The following XIRP2 variants were observed in gnomAD, a reference collection of about 807,000 sequenced individuals.
The protein encoded by XIRP2 is xin actin-binding repeat-containing protein 2.
Under a neutral mutation model 277.0 loss-of-function variants are expected in XIRP2, and 236 were observed. The observed-to-expected ratio is 0.85, with a 90% CI of 0.77 to 0.95. The LOEUF is 0.95. Ranked by LOEUF, XIRP2 falls within the 40% of genes least tolerant of loss-of-function variation. The probability of loss-of-function intolerance (pLI) is 0.00; values close to 1 mark genes in which losing one functional copy is unlikely to be tolerated. For synonymous variants in XIRP2, 1,490 were observed against 1,416.5 expected, an observed-to-expected ratio of 1.05 and a Z score of -1.17; for missense variants, 4,640 against 4,157.5, an observed-to-expected ratio of 1.12 and a Z score of -3.19.
At position 167,257,855 on chromosome 2, in the gene XIRP2, A is replaced by G. The variant is rs1465425342; in HGVS notation, c.*40-2A>G. The G allele has an allele frequency of 6.3e-7, 1 of 1,580,854 alleles. No individual in the cohort carries two copies. Among genetic ancestry groups the G allele is most frequent in the East Asian group, 2.2e-5 (1 of 44,560 alleles). ...GCTAAGTGTTCTTTTTCTTTTTGGCAGTTTGGGAAATTATGCATCACTTCA... is the reference window on the plus strand; with the variant it reads ...GCTAAGTGTTCTTTTTCTTTTTGGCGGTTTGGGAAATTATGCATCACTTCA... On this transcript the variant is annotated splice_acceptor_variant, in intron 10 of 10. Coordinates refer to ENST00000409195, the MANE Select transcript of XIRP2 (RefSeq NM_152381.6). LOFTEE classifies it low-confidence loss of function (3UTR_SPLICE).
intron 2 of XIRP2, among the ~76,000 whole-genome samples, chr2:166,946,448 T>C (rs1685866552): frequency 6.6e-6 from 1 of 152,198 alleles, no homozygotes; most frequent in Non-Finnish European, 1.5e-5. Flanking sequence ...ACTCTGATTG[T>C]TTGAGTTGTT....
chr2:167,144,967 T>G (rs1691823170), intron 3 of XIRP2, among the ~76,000 whole-genome samples: 1 of 152,148 alleles, frequency 6.6e-6, no homozygotes, highest in South Asian at 2.1e-4. Flanking sequence ...GCATTGGAAG[T>G]TGGAAACTAT....
chr2:166,996,117 G>A (rs1446049313), intron 2 of XIRP2, among the ~76,000 whole-genome samples: 1 of 152,160 alleles, frequency 6.6e-6, no homozygotes, highest in African/African-American at 2.4e-5. Context: ...GAGGGCAAGG[G>A]TTGAATCTTT....
At chr2:166,918,709 A>G (rs1684955335) in intron 2 of XIRP2, among the ~76,000 whole-genome samples, 1 of 152,164 alleles carries the variant, frequency 6.6e-6, no homozygotes, top group Non-Finnish European at 1.5e-5. Flanking sequence ...GAAAGGTGGT[A>G]AAAGTCAAAT....
In XIRP2 at chr2:167,246,541, A is replaced by C. The variant is rs1335377758; in HGVS notation, c.5149A>C (p.Ile1717Leu). 3.1e-6 allele frequency: 5 copies of C among 1,613,652 alleles called. No individual in the cohort carries two copies. Among genetic ancestry groups the C allele is most frequent in the Non-Finnish European group, 4.2e-6 (5 of 1,179,826 alleles). ...EVIGGDVKRTIHNLLSSTSNN... is the reference protein window; with the variant it reads ...EVIGGDVKRTLHNLLSSTSNN... ...AATAGGTGGTGATGTCAAACGTACC[A>C]TTCATAATTTATTGTCTTCCACATC... Residue 1717 changes from isoleucine (I) to leucine (L), a missense_variant, in exon 9 of 11, where the codon ATT becomes CTT. Transcript: ENST00000409195.
At chr2:166,956,782 T>C (rs1019135019) in intron 2 of XIRP2, among the ~76,000 whole-genome samples, 17 of 151,836 alleles carry the variant, frequency 1.1e-4, no homozygotes, top group Admixed American at 9.9e-4. Flanking sequence ...ACCCAAAGAT[T>C]CTGTCCCTTT....
chr2:166,918,504 TA>T (rs1684950484), intron 2 of XIRP2, among the ~76,000 whole-genome samples: 1 of 152,272 alleles, frequency 6.6e-6, no homozygotes, highest in African/African-American at 2.4e-5. Flanking sequence ...TCACTTATGG[TA>T]TTTGTTAAAT....
chr2:167,090,169 A>G (rs113291553), intron 2 of XIRP2, among the ~76,000 whole-genome samples: 48 of 152,206 alleles, frequency 3.2e-4, no homozygotes, highest in African/African-American at 1.1e-3. Flanking sequence ...CCACACTTTA[A>G]TAACAGCTGG....
chr2:167,207,886 T>C (rs1693905637), intron 3 of XIRP2, among the ~76,000 whole-genome samples: 1 of 152,196 alleles, frequency 6.6e-6, no homozygotes, highest in Admixed American at 6.5e-5. Flanking sequence ...TTTTTTAGTG[T>C]TTTATTTTCT....
At chr2:166,939,684 A>AG (rs1157965069) in intron 2 of XIRP2, among the ~76,000 whole-genome samples, 3 of 126,452 alleles carry the variant, frequency 2.4e-5, no homozygotes, top group African/African-American at 8.6e-5. Flanking sequence ...CATCACAAAA[A>AG]AAAAAAAAAA....
At chr2:167,155,172 G>T (rs982273183) in intron 3 of XIRP2, among the ~76,000 whole-genome samples, 17 of 150,578 alleles carry the variant, frequency 1.1e-4, no homozygotes, top group African/African-American at 3.2e-4. Flanking sequence ...GAGGTACAAG[G>T]AGGAACTGGT....
rs111255109 is a variant in XIRP2 at position 166,979,257 on chromosome 2, A to G, written c.408+75367A>G. Among the ~76,000 whole-genome samples, 106 of 152,272 alleles carry G rather than the reference A, an allele frequency of 7.0e-4. 1 individual carries two copies. The highest frequency in any genetic ancestry group is 2.5e-3 in the African/African-American group (104 of 41,576). On this transcript the variant is annotated intron_variant, in intron 2 of 10. Coordinates refer to ENST00000409195, the MANE Select transcript of XIRP2 (RefSeq NM_152381.6). The stretch of plus-strand genomic sequence containing the variant: ...AGAGAGAGCATTTTCAATTGGCTCT[A>G]GGATACCGTGTGTCTGTCTTCCCAA...
intron 3 of XIRP2, among the ~76,000 whole-genome samples, chr2:167,165,121 T>G (rs73021964): frequency 0.073 from 11,052 of 152,250 alleles, 467 homozygotes; most frequent in South Asian, 0.15. Flanking sequence ...CAGACTAGCT[T>G]CTTTCATTTA....
chr2:167,137,156 G>T (rs539031306), intron 3 of XIRP2, among the ~76,000 whole-genome samples: 2 of 152,172 alleles, frequency 1.3e-5, no homozygotes, highest in Admixed American at 6.6e-5. Flanking sequence ...TTCTGATTCC[G>T]TTTGGTTTAA....
intron 2 of XIRP2, among the ~76,000 whole-genome samples, chr2:166,937,800 A>G (rs1216106178): frequency 1.3e-5 from 2 of 152,158 alleles, no homozygotes; most frequent in Non-Finnish European, 1.5e-5. Flanking sequence ...TCAGAGATTC[A>G]ACTTATTCCT....
At chr2:167,139,364 C>A (rs1252972477) in intron 3 of XIRP2, among the ~76,000 whole-genome samples, 2 of 152,050 alleles carry the variant, frequency 1.3e-5, no homozygotes, top group Non-Finnish European at 2.9e-5. Flanking sequence ...CTTTTATTCT[C>A]TAACTCATAA....
Position 167,248,554 on chromosome 2 carries a change from C to T in XIRP2, c.7162C>T (p.His2388Tyr). 6.2e-7 allele frequency: 1 copy of T among 1,613,760 alleles called. No homozygotes were observed. The highest frequency in any genetic ancestry group is 8.5e-7 in the Non-Finnish European group (1 of 1,179,818). ...CCTTTCCTCCTCTGCTCCGGAAAAG[C>T]ACAGTGGAGACTTCATGCAACAATA... ...HLLSSSAPEK[H>Y]SGDFMQQYSQ... Residue 2388 changes from histidine to tyrosine, a missense_variant, in exon 9 of 11, where the codon CAC (histidine) becomes TAC (tyrosine). His to Tyr is a moderately conservative substitution (Grantham distance 83). Transcript: ENST00000409195.
chr2:167,225,517 G>A (rs1488719183), intron 5 of XIRP2, among the ~76,000 whole-genome samples: 3 of 152,126 alleles, frequency 2.0e-5, no homozygotes, highest in Non-Finnish European at 4.4e-5. Flanking sequence ...TGATCAACAT[G>A]CTCAGAAATA....
intron 2 of XIRP2, among the ~76,000 whole-genome samples, chr2:166,975,707 C>T (rs980655283): frequency 2.0e-5 from 3 of 151,960 alleles, no homozygotes; most frequent in African/African-American, 7.2e-5. Flanking sequence ...GGGCAGATCA[C>T]GAGGTCAGGA....
Sources: allele counts gnomAD v4.1 joint callset (sites outside exome capture counted in the v4.1 genomes callset), GRCh38; gene constraint gnomAD v4.1.1; transcripts MANE v1.5; gene names NCBI Gene and HGNC (gene_info 2026-07-23, HGNC 2026-07-21).